The following MCTP2 variants were observed in gnomAD, a reference collection of about 807,000 sequenced individuals.
MCTP2 encodes multiple C2 and transmembrane domain-containing protein 2.
MCTP2 carries 132 observed loss-of-function variants against 111.6 expected under a neutral mutation model. That is an observed-to-expected ratio of 1.18 (90% CI 1.03 to 1.37). The LOEUF is 1.37. Among genes scored for constraint, MCTP2 ranks in the 40% most tolerant of loss-of-function variants. The probability of loss-of-function intolerance (pLI) is 0.00; values close to 1 mark genes in which losing one functional copy is unlikely to be tolerated. For synonymous variants in MCTP2, 395 were observed against 387.7 expected (o/e 1.02, Z -0.22); for missense variants, 1,183 against 1,067.9 (o/e 1.11, Z -1.50).
chr15:94,324,813 ATAT>A (rs1168873856), intron 4 of MCTP2, among the ~76,000 whole-genome samples: 2 of 152,204 alleles, frequency 1.3e-5, no homozygotes, highest in Non-Finnish European at 2.9e-5. Context: ...ATTGTTTATT[ATAT>A]TATTATTCAA....
chr15:94,406,208 A>G (rs530674702), intron 17 of MCTP2, among the ~76,000 whole-genome samples: 1 of 152,306 alleles, frequency 6.6e-6, no homozygotes, highest in South Asian at 2.1e-4. Flanking sequence ...TAGTTCTCAC[A>G]ACAACCTGCT....
rs533421926 is a variant in MCTP2 at position 94,245,180 on chromosome 15, TTA to T, written c.-66+13519_-66+13520del. 5.0e-3 allele frequency among the ~76,000 whole-genome samples: 727 copies of T among 145,698 alleles called. 5 individuals carry two copies. Among genetic ancestry groups the T allele is most frequent in the African/African-American group, 0.016 (662 of 40,250 alleles). On this transcript the variant is annotated intron_variant, in intron 1 of 22. Transcript: ENST00000357742. ...TGTATATTTATACACATGTATAGAT[TTA>T]TACACACATATGTATGTATATATTT...
Position 94,358,571 on chromosome 15 carries a change from G to A in MCTP2, c.1260G>A (p.Val420=), listed in dbSNP as rs1389109362. The part of the protein sequence containing the change: ...SDRMGILDIE[V]WGKDNKKHEE... Reference sequence around the variant, plus strand: ...GGATGGGCATTTTGGACATTGAAGTGTGGGGAAAGGACAACAAAAAGCATG... The same window carrying A: ...GGATGGGCATTTTGGACATTGAAGTATGGGGAAAGGACAACAAAAAGCATG... Residue 420 remains valine (V), a synonymous_variant, in exon 10 of 23, where the codon GTG becomes GTA. Transcript: ENST00000357742. 3 of 1,613,746 alleles carry A rather than the reference G, an allele frequency of 1.9e-6. No individual in the cohort carries two copies. Among genetic ancestry groups the A allele is most frequent in the East Asian group, 2.2e-5 (1 of 44,880 alleles).
At chr15:94,306,686 C>G (rs2075895231) in intron 2 of MCTP2, among the ~76,000 whole-genome samples, 1 of 152,224 alleles carries the variant, frequency 6.6e-6, no homozygotes, top group Non-Finnish European at 1.5e-5. Flanking sequence ...TTCCCCCTTT[C>G]CCATAATCCA....
chr15:94,371,637 G>A (rs897376751), intron 12 of MCTP2, among the ~76,000 whole-genome samples: 3 of 152,170 alleles, frequency 2.0e-5, no homozygotes, highest in African/African-American at 7.2e-5. Flanking sequence ...TTATAATGCA[G>A]TAAGAGTATT....
intron 14 of MCTP2, among the ~76,000 whole-genome samples, chr15:94,387,040 AT>A (rs1466908263): frequency 1.3e-5 from 2 of 152,022 alleles, no homozygotes; most frequent in East Asian, 3.8e-4. Context: ...TCTACCTCGT[AT>A]TTTGAAGGAT....
chr15:94,353,162 G>A (rs567763635), intron 8 of MCTP2, among the ~76,000 whole-genome samples: 82 of 152,304 alleles, frequency 5.4e-4, no homozygotes, highest in African/African-American at 1.9e-3. Flanking sequence ...ACATGACTGC[G>A]TTAAATACTA....
At chr15:94,390,080 A>ATATATATG (rs2080822481) in intron 14 of MCTP2, among the ~76,000 whole-genome samples, 3 of 11,818 alleles carry the variant, frequency 2.5e-4, no homozygotes, top group African/African-American at 2.4e-4. Context: ...ATATATATAT[A>ATATATATG]TATATATATG....
intron 8 of MCTP2, among the ~76,000 whole-genome samples, chr15:94,348,272 T>C (rs2078096515): frequency 6.6e-6 from 1 of 151,306 alleles, no homozygotes; most frequent in East Asian, 2.0e-4. Context: ...TCAGCTGGCC[T>C]CCACCTGGCT....
At chr15:94,383,730 C>T (rs554135432) in intron 12 of MCTP2, among the ~76,000 whole-genome samples, 2 of 152,162 alleles carry the variant, frequency 1.3e-5, no homozygotes, top group African/African-American at 2.4e-5. Flanking sequence ...GTCCTTCCCA[C>T]GACACATGGG....
intron 1 of MCTP2, among the ~76,000 whole-genome samples, chr15:94,253,745 A>G (rs551811369): frequency 1.8e-4 from 27 of 150,024 alleles, no homozygotes; most frequent in African/African-American, 6.6e-4. Context: ...TTTTTTTTTT[A>G]ATGCACAAAA....
chr15:94,420,405 C>T (rs1036109513), intron 17 of MCTP2, among the ~76,000 whole-genome samples: 1 of 151,902 alleles, frequency 6.6e-6, no homozygotes. Context: ...AAATGATAGC[C>T]GTCATTGATT....
chr15:94,242,988 T>G lies in MCTP2; in HGVS notation c.-66+11324T>G, dbSNP rs1350463857. On this transcript the variant is annotated intron_variant, in intron 1 of 22. Transcript: ENST00000357742. ...GTATATGTGTATCTACACATACACG[T>G]GTATATGTGTATCTACACATACACG... Among the ~76,000 whole-genome samples the G allele has an allele frequency of 4.8e-3, 474 of 98,314 alleles. 82 individuals are homozygous for G. Among genetic ancestry groups the G allele is most frequent in the African/African-American group, 0.017 (446 of 25,560 alleles). The allele number at this position is 98,314 out of a possible 152,430, so 64.5% of individuals were successfully genotyped here.
At chr15:94,294,214 G>C (rs2075158131) in intron 1 of MCTP2, among the ~76,000 whole-genome samples, 1 of 152,178 alleles carries the variant, frequency 6.6e-6, no homozygotes, top group Admixed American at 6.5e-5. Flanking sequence ...AGGAAGTGGG[G>C]GCCTGGGAGC....
chr15:94,385,372 C>G (rs146686065), intron 13 of MCTP2, 51 bp from the exon 14 acceptor site: 1 of 1,229,464 alleles, frequency 8.1e-7, no homozygotes, highest in Non-Finnish European at 1.2e-6. Flanking sequence ...CTTCATGGAA[C>G]AGACTTCACT....
intron 20 of MCTP2, among the ~76,000 whole-genome samples, chr15:94,464,373 T>C (rs907640787): frequency 1.3e-5 from 2 of 150,734 alleles, no homozygotes; most frequent in Admixed American, 1.3e-4. Context: ...TACTTGTTGA[T>C]TTAATGTTGT....
At chr15:94,323,859 CTT>C (rs2076733172) in intron 4 of MCTP2, among the ~76,000 whole-genome samples, 1 of 152,200 alleles carries the variant, frequency 6.6e-6, no homozygotes, top group African/African-American at 2.4e-5. Flanking sequence ...TCTCATCTTT[CTT>C]TGCTCTTTCT....
At chr15:94,430,975 T>A (rs1233470620) in intron 17 of MCTP2, among the ~76,000 whole-genome samples, 1 of 152,174 alleles carries the variant, frequency 6.6e-6, no homozygotes, top group Non-Finnish European at 1.5e-5. Flanking sequence ...CTTCCCTTCC[T>A]TGTCTCTCTT....
intron 17 of MCTP2, among the ~76,000 whole-genome samples, chr15:94,422,885 G>C (rs1456015460): frequency 2.6e-5 from 4 of 151,978 alleles, no homozygotes; most frequent in Non-Finnish European, 5.9e-5. Context: ...TGTAAAGATG[G>C]GGTTTCCACT....
Sources: gnomAD v4.1 joint callset for allele counts (sites outside exome capture counted in the v4.1 genomes callset) on GRCh38, gnomAD v4.1.1 for gene constraint, MANE v1.5 for transcripts, NCBI Gene and HGNC (gene_info 2026-07-23, HGNC 2026-07-21) for gene names.